Variants in APOH observed in about 807,000 individuals in gnomAD.
APOH encodes the protein beta-2-glycoprotein 1.
A neutral mutation model predicts 39.8 loss-of-function variants in APOH; 48 were observed. The observed-to-expected ratio is 1.21, with a 90% CI of 0.96 to 1.54. The LOEUF is 1.54. Ranked by LOEUF, APOH falls within the 40% of genes most tolerant of loss-of-function variation. The pLI is 0.00. For missense variants in APOH, 415 were observed against 421.2 expected, an observed-to-expected ratio of 0.99 and a Z score of 0.13; for synonymous variants, 153 against 151.1, an observed-to-expected ratio of 1.01 and a Z score of -0.09.
In APOH at chr17:66,220,736, A is replaced by T; in HGVS notation, c.422T>A (p.Ile141Asn). Residue 141 changes from isoleucine to asparagine, a missense_variant, in exon 5 of 8, where the codon ATC becomes AAC. Ile to Asn is a moderately radical substitution (Grantham distance 149). This residue lies in a region of APOH where 288 missense variants were observed against 284.9 expected (regional missense o/e 1.01). Transcript: ENST00000205948. ...SPELPVCAPI[I>N]CPPPSIPTFA... ...CGTAGGTATGGATGGTGGAGGGCAG[A>T]TGATGGCTGGGAAAATAAAGAACTA... 1 of 1,604,978 alleles carries T rather than the reference A, an allele frequency of 6.2e-7. No homozygotes were observed. The highest frequency in any genetic ancestry group is 8.5e-7 in the Non-Finnish European group (1 of 1,172,940).
At chr17:66,224,471 A>T (rs1450203416) in intron 3 of APOH, among the ~76,000 whole-genome samples, 11 of 44,162 alleles carry the variant, frequency 2.5e-4, no homozygotes, top group African/African-American at 2.3e-4. Context: ...AAGATCCTGT[A>T]AAAAAAAAAA....
chr17:66,221,298 AAGGG>A (rs939183294), intron 4 of APOH, among the ~76,000 whole-genome samples: 9 of 90,468 alleles, frequency 9.9e-5, no homozygotes, highest in South Asian at 3.8e-4. Flanking sequence ...AGGAAGTCAG[AAGGG>A]AGGGAGGGAG....
rs766570056 is a variant in APOH at position 66,216,910 on chromosome 17, T to C, written c.662A>G (p.Lys221Arg). ...PDNGFVNYPA[K>R]PTLYYKDKAT... ...TTTATCCTTGTAATAAAGTGTTGGT[T>C]TTGCAGGATAGTTCACAAATCCATT... Residue 221 changes from lysine (K) to arginine (R), a missense_variant, in exon 6 of 8, where the codon AAA becomes AGA. By Grantham distance (26) the Lys-to-Arg change is conservative. This residue lies in a region of APOH where 288 missense variants were observed against 284.9 expected (regional missense o/e 1.01). Coordinates refer to ENST00000205948, the MANE Select transcript of APOH (RefSeq NM_000042.3). 6.2e-7 allele frequency: 1 copy of C among 1,612,424 alleles called. No individual in the cohort carries two copies. Among genetic ancestry groups the C allele is most frequent in the South Asian group, 1.1e-5 (1 of 90,558 alleles).
chr17:66,216,166 C>CAAAAAA (rs35488139), intron 6 of APOH, among the ~76,000 whole-genome samples: 1 of 108,282 alleles, frequency 9.2e-6, no homozygotes, highest in Non-Finnish European at 1.9e-5. Context: ...GACTCCATCT[C>CAAAAAA]AAAAAAAAAA....
At chr17:66,220,465 A>G (rs2073390254) in intron 5 of APOH, 89 bp downstream of exon 5, 2 of 1,303,116 alleles carry the variant, frequency 1.5e-6, no homozygotes, top group East Asian at 2.3e-5. Flanking sequence ...AGTTCATTGG[A>G]AACACTCCAT....
intron 3 of APOH, among the ~76,000 whole-genome samples, chr17:66,224,534 GAGAC>G (rs1244321071): frequency 2.2e-5 from 3 of 134,384 alleles, no homozygotes; most frequent in South Asian, 2.5e-4. Flanking sequence ...AGGAAGGAGA[GAGAC>G]AGACAAAGAA....
chr17:66,217,355 C>CA (rs1555572253), intron 5 of APOH, among the ~76,000 whole-genome samples: 16 of 138,082 alleles, frequency 1.2e-4, no homozygotes, highest in Admixed American at 6.5e-4. Context: ...CCCCCCCCCC[C>CA]ATTCACACTT....
At chr17:66,227,940 G>T in intron 2 of APOH, 80 bp downstream of exon 2, 1 of 1,477,268 alleles carries the variant, frequency 6.8e-7, no homozygotes, top group Non-Finnish European at 9.2e-7. Context: ...TGCACTCTGA[G>T]CATGACGAGG....
chr17:66,219,752 C>T (rs2073386165), intron 5 of APOH, among the ~76,000 whole-genome samples: 1 of 152,076 alleles, frequency 6.6e-6, no homozygotes. Context: ...AACTCCGTCT[C>T]TACTAAAAAT....
intron 3 of APOH, among the ~76,000 whole-genome samples, chr17:66,225,539 TATC>T (rs1354682249): frequency 1.3e-5 from 2 of 152,230 alleles, no homozygotes; most frequent in African/African-American, 4.8e-5. Flanking sequence ...CATATGGAAT[TATC>T]ATCCAGGTTC....
rs904623357 is a variant in APOH at position 66,220,821 on chromosome 17, A to C, written c.416-79T>G. ...TACTCTTTCCAGAAAGAAAAAAAAA[A>C]CCCTAAGGATAAACTTGAGAAAATG... On this transcript the variant is annotated intron_variant, in intron 4 of 7. Transcript: ENST00000205948. The C allele has an allele frequency of 1.4e-5, 18 of 1,332,938 alleles. No individual in the cohort carries two copies. The South Asian group carries it at 2.6e-4, about 19-fold the overall frequency. The allele number at this position is 1,332,938 out of a possible 1,614,324, so 82.6% of individuals were successfully genotyped here.
At chr17:66,223,799 CA>C in intron 3 of APOH, 25 bp from the exon 4 acceptor site, 1 of 1,602,614 alleles carries the variant, frequency 6.2e-7, no homozygotes, top group Non-Finnish European at 8.6e-7. Context: ...TTCATTCTAT[CA>C]AGGAGTAAAA....
intron 2 of APOH, among the ~76,000 whole-genome samples, chr17:66,226,426 T>C (rs2073440177): frequency 6.6e-6 from 1 of 152,070 alleles, no homozygotes; most frequent in Non-Finnish European, 1.5e-5. Context: ...TCACTTGAGG[T>C]CAGGAATTTG....
chr17:66,214,169 C>T (rs1649797356), intron 7 of APOH, among the ~76,000 whole-genome samples: 2 of 152,152 alleles, frequency 1.3e-5, no homozygotes, highest in South Asian at 4.1e-4. Context: ...AAGTGATGCT[C>T]CTGCCTCAGC....
intron 1 of APOH, 122 bp downstream of exon 1, chr17:66,229,194 C>T: frequency 1.4e-6 from 1 of 719,022 alleles, no homozygotes; most frequent in Non-Finnish European, 2.3e-6. Context: ...GCCTTGGCCT[C>T]CCAAAGTGCT....
Position 66,220,702 on chromosome 17 carries a change from T to A in APOH, c.456A>T (p.Thr152=). 1 of 1,614,054 alleles carries A rather than the reference T, an allele frequency of 6.2e-7. No homozygotes were observed. The highest frequency in any genetic ancestry group is 1.1e-5 in the South Asian group (1 of 91,066). ...CAGCTGATGGCTTATAAACACGAAGTGTTGCAAACGTAGGTATGGATGGTG... is the reference window on the plus strand; with the variant it reads ...CAGCTGATGGCTTATAAACACGAAGAGTTGCAAACGTAGGTATGGATGGTG... ...CPPPSIPTFA[T]LRVYKPSAGN... Residue 152 remains threonine, a synonymous_variant, in exon 5 of 8, where the codon ACA becomes ACT. Coordinates refer to ENST00000205948, the MANE Select transcript of APOH (RefSeq NM_000042.3).
intron 3 of APOH, 138 bp downstream of exon 3, chr17:66,225,890 A>AT: frequency 1.8e-6 from 1 of 551,484 alleles, no homozygotes; most frequent in Non-Finnish European, 3.1e-6. Context: ...AAAAAAAAAA[A>AT]GCAGGACTAA....
intron 1 of APOH, chr17:66,228,629 G>C (rs896447104): frequency 6.5e-6 from 1 of 154,046 alleles, no homozygotes; most frequent in African/African-American, 2.4e-5. Context: ...GTGAAACCCC[G>C]TCTCTACTAA....
At chr17:66,224,470 TAAAAAA>T (rs760150264) in intron 3 of APOH, among the ~76,000 whole-genome samples, 7 of 43,018 alleles carry the variant, frequency 1.6e-4, no homozygotes, top group Non-Finnish European at 3.2e-5. Context: ...GAAGATCCTG[TAAAAAA>T]AAAAAAAAAA....
Sources: allele counts gnomAD v4.1 joint callset (sites outside exome capture counted in the v4.1 genomes callset), GRCh38; gene constraint gnomAD v4.1.1; regional missense constraint gnomAD v4.1.1; transcripts MANE v1.5; gene names NCBI Gene and HGNC (gene_info 2026-07-23, HGNC 2026-07-21).